Variants in LONRF1 observed in about 807,000 individuals in gnomAD.
LONRF1 encodes the protein LON peptidase N-terminal domain and ring finger 1.
LONRF1 carries 37 observed loss-of-function variants against 85.8 expected under a neutral mutation model. The ratio of observed to expected loss-of-function variants is 0.43; its 90% confidence interval spans 0.33 to 0.57. The LOEUF (loss-of-function observed/expected upper bound fraction) is 0.57, where lower values mean the gene tolerates loss of function less well. LONRF1 is among the 20% of genes least tolerant of loss of function. The probability of loss-of-function intolerance (pLI) is 0.04; values close to 1 mark genes in which losing one functional copy is unlikely to be tolerated. For missense variants in LONRF1, 1,036 were observed against 978.0 expected, an observed-to-expected ratio of 1.06 and a Z score of -0.79; for synonymous variants, 517 against 390.1, an observed-to-expected ratio of 1.33 and a Z score of -3.83.
chr8:12,726,296 G>A (rs1390661128), intron 10 of LONRF1, among the ~76,000 whole-genome samples: 1 of 152,224 alleles, frequency 6.6e-6, no homozygotes, highest in African/African-American at 2.4e-5. Context: ...AGTAGTTAGG[G>A]TGTAGATGAC....
chr8:12,737,391 C>T, intron 4 of LONRF1: 1 of 651,242 alleles, frequency 1.5e-6, no homozygotes, highest in South Asian at 1.5e-5. Flanking sequence ...AAAAAAAAGC[C>T]TGAACATATA....
chr8:12,754,633 G>C, intron 1 of LONRF1, 67 bp downstream of exon 1: 20 of 1,250,664 alleles, frequency 1.6e-5, no homozygotes, highest in Non-Finnish European at 2.0e-5. Flanking sequence ...GACAAGCTCC[G>C]GGTCCCCGGC....
chr8:12,739,487 T>G (rs1171541984), intron 3 of LONRF1, among the ~76,000 whole-genome samples: 2 of 152,116 alleles, frequency 1.3e-5, no homozygotes, highest in African/African-American at 4.8e-5. Flanking sequence ...GATGGAGGAT[T>G]TACTGGAAAG....
At position 12,729,242 on chromosome 8, in the gene LONRF1, C is replaced by T; in HGVS notation, c.1779G>A (p.Leu593=). ...CAGTCTGTATACTTCTTCGAATCAT[C>T]AATCTGTATCTTGGCTCAAATACAT... ...PLHVFEPRYR[L]MIRRSIQTGT... Residue 593 remains leucine (L), a synonymous_variant, in exon 9 of 12, where the codon TTG becomes TTA. Coordinates refer to ENST00000398246, the MANE Select transcript of LONRF1 (RefSeq NM_152271.5). 2 of 1,613,960 alleles carry T rather than the reference C, an allele frequency of 1.2e-6. No individual in the cohort carries two copies. Among genetic ancestry groups the T allele is most frequent in the East Asian group, 2.2e-5 (1 of 44,868 alleles).
chr8:12,744,814 C>G (rs767690316), intron 1 of LONRF1, among the ~76,000 whole-genome samples: 1 of 152,212 alleles, frequency 6.6e-6, no homozygotes, highest in Non-Finnish European at 1.5e-5. Context: ...GAGACAGACT[C>G]CGCTCTAGTA....
rs1291694061 is a variant in LONRF1, at chr8:12,755,458, C to G, written c.-38G>C. On this transcript the variant is annotated 5_prime_UTR_variant, in exon 1 of 12. Coordinates refer to ENST00000398246, the MANE Select transcript of LONRF1 (RefSeq NM_152271.5). ...GCTGCGCCGCCGCCGCCCGCCGCCA[C>G]GGTCCCGGAGCCTCCCGGGCGCGCG... The G allele has an allele frequency of 1.8e-6, 2 of 1,082,786 alleles. No individual in the cohort carries two copies. The highest frequency in any genetic ancestry group is 1.7e-5 in the African/African-American group (1 of 59,258). 67.1% of individuals were successfully genotyped at this position (1,082,786 alleles called of 1,614,324 possible). A position where few individuals can be genotyped will look rare whatever the true frequency, so the allele number is the denominator to read the frequency against.
intron 1 of LONRF1, 22 bp from the exon 2 acceptor site, chr8:12,743,304 G>T: frequency 7.6e-7 from 1 of 1,309,386 alleles, no homozygotes; most frequent in African/African-American, 1.5e-5. Context: ...ATTTTATAAG[G>T]ATATGATTAT....
intron 11 of LONRF1, among the ~76,000 whole-genome samples, chr8:12,724,007 CT>C (rs1806045527): frequency 6.6e-6 from 1 of 152,106 alleles, no homozygotes; most frequent in Non-Finnish European, 1.5e-5. Context: ...ATTTATCGGA[CT>C]TAAAATATAA....
intron 1 of LONRF1, among the ~76,000 whole-genome samples, chr8:12,749,120 A>G (rs1799278732): frequency 6.6e-6 from 1 of 152,220 alleles, no homozygotes; most frequent in South Asian, 2.1e-4. Flanking sequence ...TAAGACATAC[A>G]TGCTCCATCT....
chr8:12,731,920 C>A (rs1336219095), intron 7 of LONRF1, 63 bp from the exon 8 acceptor site: 2 of 1,454,102 alleles, frequency 1.4e-6, no homozygotes, highest in African/African-American at 2.8e-5. Context: ...ACAGGCAACA[C>A]AGTTAACTGA....
intron 1 of LONRF1, among the ~76,000 whole-genome samples, chr8:12,744,564 T>A (rs189821949): frequency 1.3e-5 from 2 of 152,146 alleles, no homozygotes; most frequent in African/African-American, 4.8e-5. Context: ...CAAAAATGTT[T>A]TACATTATTC....
At chr8:12,749,374 A>C (rs1272982051) in intron 1 of LONRF1, among the ~76,000 whole-genome samples, 1 of 152,182 alleles carries the variant, frequency 6.6e-6, no homozygotes, top group African/African-American at 2.4e-5. Context: ...ACCAAACAGA[A>C]GCTTCCATCT....
intron 1 of LONRF1, among the ~76,000 whole-genome samples, chr8:12,748,447 T>A (rs528006059): frequency 6.6e-6 from 1 of 152,194 alleles, no homozygotes; most frequent in African/African-American, 2.4e-5. Flanking sequence ...TCCTCCCTCC[T>A]TGGCCTCCCA....
intron 2 of LONRF1, among the ~76,000 whole-genome samples, chr8:12,742,736 T>A (rs991548436): frequency 8.0e-5 from 6 of 75,024 alleles, no homozygotes; most frequent in Non-Finnish European, 1.5e-4. Context: ...ACTCAAAATA[T>A]TGAACCTAGA....
At position 12,729,024 on chromosome 8, in the gene LONRF1, C is replaced by T. The variant is rs766262190; in HGVS notation, c.1887G>A (p.Val629=). The T allele has an allele frequency of 9.9e-6, 16 of 1,613,894 alleles. No homozygotes were observed. In the South Asian group the frequency reaches 1.6e-4, roughly 17 times the overall value. The change falls in exon 10 of 12, where the codon GTG becomes GTA. Residue 629 remains valine, a synonymous_variant. Transcript: ENST00000398246. The part of the protein sequence containing the change: ...DYGCMLQIRN[V]HFLPDGRSVV... ...CAGACCTTCCGTCCGGTAAGAAATG[C>T]ACGTTTCTAATTTGTAACATACAAC...
rs370207902 is a variant in LONRF1, at chr8:12,751,827, G to C, written c.721+2873C>G. Among the ~76,000 whole-genome samples, 3 of 152,084 alleles carry C rather than the reference G, an allele frequency of 2.0e-5. No homozygotes were observed. The East Asian group carries it at 5.8e-4, about 29-fold the overall frequency. ...CAAAAGGCAGGCAGCATGGCTTAGG[G>C]GGATCATTTCAGTAGGCTCAAGCAC... On this transcript the variant is annotated intron_variant, in intron 1 of 11. Coordinates refer to ENST00000398246, the MANE Select transcript of LONRF1 (RefSeq NM_152271.5).
intron 6 of LONRF1, chr8:12,735,613 T>C (rs923005370): frequency 3.8e-6 from 2 of 520,656 alleles, no homozygotes; most frequent in Non-Finnish European, 6.9e-6. Context: ...GCCAAAGGCC[T>C]AGAGCCAAGG....
Position 12,754,777 on chromosome 8 carries a change from G to A in LONRF1, c.644C>T (p.Ala215Val), listed in dbSNP as rs1226849428. 8.1e-6 allele frequency: 12 copies of A among 1,473,482 alleles called. No individual in the cohort carries two copies. Among genetic ancestry groups the A allele is most frequent in the Non-Finnish European group, 1.1e-5 (12 of 1,120,564 alleles). The allele number at this position is 1,473,482 out of a possible 1,614,324, so 91.3% of individuals were successfully genotyped here. ...FPGQRERARA[A>V]GRLGELLHQG... The stretch of plus-strand genomic sequence containing the variant: ...GTGCAGTAGCTCCCCGAGCCTGCCG[G>A]CCGCCCGGGCCCGCTCGCGCTGGCC... The change falls in exon 1 of 12, where the codon GCC becomes GTC. Residue 215 changes from alanine (A) to valine (V), a missense_variant. Ala to Val is a moderately conservative substitution (Grantham distance 64, BLOSUM62 0). Coordinates refer to ENST00000398246, the MANE Select transcript of LONRF1 (RefSeq NM_152271.5).
rs372330194 is a variant in LONRF1, at chr8:12,739,900, C to A, written c.963+974G>T. 5.3e-5 allele frequency among the ~76,000 whole-genome samples: 8 copies of A among 152,254 alleles called. No homozygotes were observed. The East Asian group carries it at 1.5e-3, about 29-fold the overall frequency. ...GGGCTAGAATGTATATACAAACAAA[C>A]CTCATAGAGGCTATACCAATGCCAG... On this transcript the variant is annotated intron_variant, in intron 3 of 11. Coordinates refer to ENST00000398246, the MANE Select transcript of LONRF1 (RefSeq NM_152271.5).
Sources: gnomAD v4.1 joint callset for allele counts (sites outside exome capture counted in the v4.1 genomes callset) on GRCh38, gnomAD v4.1.1 for gene constraint, MANE v1.5 for transcripts, NCBI Gene and HGNC (gene_info 2026-07-23, HGNC 2026-07-21) for gene names.